RIN1: variants seen among roughly 807,000 people sequenced by gnomAD.
RIN1 encodes the protein Ras and Rab interactor 1.
A neutral mutation model predicts 64.9 loss-of-function variants in RIN1; 52 were observed. The observed-to-expected ratio is 0.80, with a 90% CI of 0.64 to 1.01. The LOEUF is 1.01. Ranked by LOEUF, RIN1 falls within the 50% of genes least tolerant of loss-of-function variation. The probability of loss-of-function intolerance (pLI) is 0.00; values close to 1 mark genes in which losing one functional copy is unlikely to be tolerated. For missense variants in RIN1, 1,040 were observed against 1,064.5 expected, an observed-to-expected ratio of 0.98 and a Z score of 0.32; for synonymous variants, 486 against 483.6, an observed-to-expected ratio of 1.00 and a Z score of -0.06.
rs1282918258 is a variant in RIN1 at position 66,335,781 on chromosome 11, G to A, written c.363C>T (p.Tyr121=). ...CCTCACCGCCAGGGCTCTCCAGGAT[G>A]TAGTGGCTGGAGACGAAGGAGGGGC... ...ASGPSFVSSH[Y]ILESPGGVSL... is the part of the protein sequence containing the mutation. Residue 121 remains tyrosine, a synonymous_variant, in exon 3 of 10, where the codon TAC becomes TAT. Transcript: ENST00000311320. 1 of 1,612,554 alleles carries A rather than the reference G, an allele frequency of 6.2e-7. No individual in the cohort carries two copies. Among genetic ancestry groups the A allele is most frequent in the South Asian group, 1.1e-5 (1 of 90,972 alleles).
In RIN1 at chr11:66,336,325, C is replaced by T. The variant is rs760139935; in HGVS notation, c.78G>A (p.Ala26=). 1.1e-5 allele frequency: 18 copies of T among 1,613,004 alleles called. No homozygotes were observed. The highest frequency in any genetic ancestry group is 1.4e-5 in the Non-Finnish European group (16 of 1,179,572). Residue 26 remains alanine (A), a synonymous_variant, in exon 1 of 10, where the codon GCG becomes GCA. Coordinates refer to ENST00000311320, the MANE Select transcript of RIN1 (RefSeq NM_004292.3). ...CTGCCAACTTCACTAACTTTTCTCT[C>T]GCCAGGTGCCCAGTAGTGAAGCTGG... ...SPSSFTTGHL[A]REKPAQDPLY... is the part of the protein sequence containing the mutation.
Position 66,332,628 on chromosome 11 carries a change from TG to T in RIN1, c.1999del (p.Gln667SerfsTer47). ...QLCATKFRVT[Q>X]PNTFGLFLYK... ...CAGGAAGAGGCCAAAAGTGTTGGGC[TG>T]GGTCACTCGGAACTTGGTGGCACAG... On this transcript the variant is annotated frameshift_variant, in exon 10 of 10. Transcript: ENST00000311320. LOFTEE classifies it high-confidence loss of function. 1 of 1,602,140 alleles carries T rather than the reference TG, an allele frequency of 6.2e-7. No homozygotes were observed. The highest frequency in any genetic ancestry group is 1.1e-5 in the South Asian group (1 of 89,408).
In RIN1 at chr11:66,332,524, G is replaced by A. The variant is rs370679290; in HGVS notation, c.2104C>T (p.Arg702Cys). The A allele has an allele frequency of 2.0e-5, 33 of 1,613,554 alleles. No individual in the cohort carries two copies. Among genetic ancestry groups the A allele is most frequent in the Non-Finnish European group, 2.7e-5 (32 of 1,179,738 alleles). The change falls in exon 10 of 10, where the codon CGC (arginine) becomes TGC (cysteine). Residue 702 changes from arginine (R) to cysteine (C), a missense_variant. Transcript: ENST00000311320. ...TGGGTCTCAGGCCACTCCGCCCGGCGGTAGACGAGGTAGCCAGTGGTGGGC... is the reference window on the plus strand; with the variant it reads ...TGGGTCTCAGGCCACTCCGCCCGGCAGTAGACGAGGTAGCCAGTGGTGGGC... ...RLPTTGYLVYRRAEWPETQGA... is the reference protein window; with the variant it reads ...RLPTTGYLVYCRAEWPETQGA...
Position 66,331,923 on chromosome 11 carries a change from G to T in RIN1, c.*353C>A. Reference sequence around the variant, plus strand: ...AGCCCTGCCTCAGCCATGCCCATGAGGGGAAGGGTAAAAGGAGCTGAGACC... The same window carrying T: ...AGCCCTGCCTCAGCCATGCCCATGATGGGAAGGGTAAAAGGAGCTGAGACC... On this transcript the variant is annotated 3_prime_UTR_variant, in exon 10 of 10. Transcript: ENST00000311320. 1 of 313,784 alleles carries T rather than the reference G, an allele frequency of 3.2e-6. No individual in the cohort carries two copies. 19.4% of individuals were successfully genotyped at this position (313,784 alleles called of 1,614,324 possible).
chr11:66,332,787 C>A, intron 9 of RIN1, 35 bp from the exon 10 acceptor site: 1 of 1,441,718 alleles, frequency 6.9e-7, no homozygotes, highest in Non-Finnish European at 9.3e-7. Flanking sequence ...AAGTACTCAG[C>A]CCCGGCTGGC....
intron 5 of RIN1, 62 bp downstream of exon 5, chr11:66,335,345 G>A: frequency 6.4e-7 from 1 of 1,558,876 alleles, no homozygotes; most frequent in African/African-American, 1.4e-5. Flanking sequence ...TGTGCTGCGA[G>A]CCTTGCCTTC....
chr11:66,332,603 C>T lies in RIN1; in HGVS notation c.2025G>A (p.Leu675=), dbSNP rs1489099242. Reference sequence around the variant, plus strand: ...GGCGGTGGTAGCCCTGCTCCTTGTACAGGAAGAGGCCAAAAGTGTTGGGCT... The same window carrying T: ...GGCGGTGGTAGCCCTGCTCCTTGTATAGGAAGAGGCCAAAAGTGTTGGGCT... ...VTQPNTFGLF[L]YKEQGYHRLP... Residue 675 remains leucine, a synonymous_variant, in exon 10 of 10, where the codon CTG becomes CTA. Transcript: ENST00000311320. 2.5e-6 allele frequency: 4 copies of T among 1,606,820 alleles called. No homozygotes were observed. Among genetic ancestry groups the T allele is most frequent in the Non-Finnish European group, 3.4e-6 (4 of 1,175,712 alleles).
chr11:66,334,169 G>T lies in RIN1; in HGVS notation c.1341C>A (p.Ile447=), dbSNP rs755423935. 1 of 1,535,924 alleles carries T rather than the reference G, an allele frequency of 6.5e-7. No individual in the cohort carries two copies. The highest frequency in any genetic ancestry group is 1.4e-5 in the African/African-American group (1 of 72,662). The change falls in exon 7 of 10, where the codon ATC becomes ATA. Residue 447 remains isoleucine, a synonymous_variant. Transcript: ENST00000311320. The stretch of plus-strand genomic sequence containing the variant: ...GCCGGCGCCGCAGGCGGGCTGCCAG[G>T]ATGGGCCGGAGAGGCTTGAGCACAG... ...HCSVLKPLRP[I]LAARLRRRLA...
At chr11:66,334,310 G>C in intron 6 of RIN1, 86 bp from the exon 7 acceptor site, 1 of 1,287,430 alleles carries the variant, frequency 7.8e-7, no homozygotes, top group East Asian at 2.5e-5. Context: ...GGTAGAATCG[G>C]GGAGGAGAGG....
rs1854724106 is a variant in RIN1 at position 66,330,913 on chromosome 11, T to C, written c.*1363A>G. 1 of 152,302 alleles carries C rather than the reference T, an allele frequency of 6.6e-6. No individual in the cohort carries two copies. Among genetic ancestry groups the C allele is most frequent in the Non-Finnish European group, 1.5e-5 (1 of 68,100 alleles). The allele number at this position is 152,302 out of a possible 1,614,324, so 9.4% of individuals were successfully genotyped here. On this transcript the variant is annotated 3_prime_UTR_variant, in exon 10 of 10. Coordinates refer to ENST00000311320, the MANE Select transcript of RIN1 (RefSeq NM_004292.3). ...GGGGTCATCCTCCATAAGGGGACAA[T>C]TCCTTCCTTCCTGGGGATGGCCCCC... is the stretch of plus-strand genomic sequence containing the variant.
chr11:66,334,442 A>G, intron 6 of RIN1, 72 bp downstream of exon 6: 3 of 1,544,290 alleles, frequency 1.9e-6, no homozygotes, highest in Middle Eastern at 1.8e-4. Context: ...AGAATCAGAC[A>G]GGCTGGCGCT....
intron 6 of RIN1, 117 bp from the exon 7 acceptor site, chr11:66,334,341 A>C: frequency 8.2e-7 from 1 of 1,213,252 alleles, no homozygotes; most frequent in Non-Finnish European, 1.1e-6. Context: ...AGGAGGAGGT[A>C]GCCTGGGTGA....
Position 66,334,541 on chromosome 11 carries a change from C to A in RIN1, c.1258G>T (p.Glu420Ter), listed in dbSNP as rs1200578238. 3 of 1,593,612 alleles carry A rather than the reference C, an allele frequency of 1.9e-6. No homozygotes were observed. The highest frequency in any genetic ancestry group is 2.6e-6 in the Non-Finnish European group (3 of 1,171,640). Residue 420 changes from glutamate (E) to a stop codon, truncating the protein, a stop_gained, in exon 6 of 10, where the codon GAG (glutamate) becomes TAG (stop). Coordinates refer to ENST00000311320, the MANE Select transcript of RIN1 (RefSeq NM_004292.3). LOFTEE classifies it high-confidence loss of function. ...AGCCTCTTAGGCGACAGCAGCTTCT[C>A]AGGGCCCAGCTCCGCACTCAGCATG... ...RAMLSAELGP[E>*]KLLSPKRLEH...
intron 8 of RIN1, 24 bp downstream of exon 8, chr11:66,333,503 G>C: frequency 6.2e-7 from 1 of 1,612,008 alleles, no homozygotes; most frequent in Non-Finnish European, 8.5e-7. Flanking sequence ...CACCCAGACA[G>C]GGAGGTGGGT....
rs2134934376 is a variant in RIN1, at chr11:66,332,226, C to T, written c.*50G>A. The T allele has an allele frequency of 6.4e-7, 1 of 1,555,556 alleles. No individual in the cohort carries two copies. The highest frequency in any genetic ancestry group is 2.2e-5 in the East Asian group (1 of 44,538). Reference sequence around the variant, plus strand: ...GCTTGCTGGCGCTAAAAGGATTTCTCAGCAGGCTCAGGGTCTCCCGCCCCG... The same window carrying T: ...GCTTGCTGGCGCTAAAAGGATTTCTTAGCAGGCTCAGGGTCTCCCGCCCCG... On this transcript the variant is annotated 3_prime_UTR_variant, in exon 10 of 10. Coordinates refer to ENST00000311320, the MANE Select transcript of RIN1 (RefSeq NM_004292.3).
At position 66,334,782 on chromosome 11, in the gene RIN1, G is replaced by A. The variant is rs1292651969; in HGVS notation, c.1017C>T (p.His339=). The change falls in exon 6 of 10, where the codon CAC becomes CAT. Residue 339 remains histidine, a synonymous_variant. Transcript: ENST00000311320. ...GSRGSPATSP[H]LGRRRPLLRS... ...GAAGCAGAGGTCGTCGGCGGCCCAG[G>A]TGGGGTGAGGTCGCTGGGCTCCCCC... 2 of 1,548,260 alleles carry A rather than the reference G, an allele frequency of 1.3e-6. No individual in the cohort carries two copies. Among genetic ancestry groups the A allele is most frequent in the East Asian group, 2.4e-5 (1 of 40,962 alleles).
Position 66,334,053 on chromosome 11 carries a change from AG to A in RIN1, c.1456del (p.Leu486CysfsTer5). 1 of 1,573,874 alleles carries A rather than the reference AG, an allele frequency of 6.4e-7. No individual in the cohort carries two copies. The highest frequency in any genetic ancestry group is 8.6e-7 in the Non-Finnish European group (1 of 1,160,652). On this transcript the variant is annotated frameshift_variant, in exon 7 of 10. Coordinates refer to ENST00000311320, the MANE Select transcript of RIN1 (RefSeq NM_004292.3). LOFTEE classifies it high-confidence loss of function. Reference protein sequence around the residue: ...GPGAFGSHLSLPSPVELEQVR... With the variant: ...GPGAFGSHLSXPSPVELEQVR... ...TTGCTCCAACTCTACTGGGGAGGGCAGGCTCAGGTGGGACCCGAAGGCTCCG... is the reference window on the plus strand; with the variant it reads ...TTGCTCCAACTCTACTGGGGAGGGCAGCTCAGGTGGGACCCGAAGGCTCCG...
chr11:66,335,539 G>T (rs763487866), intron 4 of RIN1, 41 bp from the exon 5 acceptor site: 1 of 1,613,158 alleles, frequency 6.2e-7, no homozygotes. Flanking sequence ...GAGGGCCGAA[G>T]AGGGCGGGAA....
chr11:66,336,474 C>T, upstream of RIN1: 4 of 1,358,904 alleles, frequency 2.9e-6, no homozygotes, highest in Non-Finnish European at 4.1e-6. Context: ...CAGTGAGTAA[C>T]ACTTCCTGAG....
Sources: gnomAD v4.1 joint callset for allele counts on GRCh38, gnomAD v4.1.1 for gene constraint, MANE v1.5 for transcripts, NCBI Gene and HGNC (gene_info 2026-07-23, HGNC 2026-07-21) for gene names.